BCR: variants seen among roughly 807,000 people sequenced by gnomAD.
BCR encodes the protein breakpoint cluster region protein.
Under a neutral mutation model 138.6 loss-of-function variants are expected in BCR, and 58 were observed. The ratio of observed to expected loss-of-function variants is 0.42; its 90% CI spans 0.34 to 0.52. The LOEUF is 0.52. Ranked by LOEUF, BCR falls within the 20% of genes least tolerant of loss-of-function variation. BCR has a pLI of 0.06. For missense variants in BCR, 1,599 were observed against 1,727.2 expected (o/e 0.93, Z 1.32); for synonymous variants, 786 against 730.1 (o/e 1.08, Z -1.23).
Position 23,180,570 on chromosome 22 carries a change from A to AGGC in BCR, c.-372_-370dup, listed in dbSNP as rs780142795. 0.029 allele frequency: 3,120 copies of AGGC among 108,666 alleles called. 52 individuals are homozygous for AGGC. The highest frequency in any genetic ancestry group is 0.031 in the Non-Finnish European group (2,051 of 66,360). The allele number at this position is 108,666 out of a possible 1,614,324, so 6.7% of individuals were successfully genotyped here. ...GGCTGGCTGAGCTTAGCGTCCGAGGAGGCGGCGGCGGCGGCGGCGGCACGG... is the reference window on the plus strand; with the variant it reads ...GGCTGGCTGAGCTTAGCGTCCGAGGAGGCGGCGGCGGCGGCGGCGGCGGCACGG... On this transcript the variant is annotated 5_prime_UTR_variant, in exon 1 of 23. Transcript: ENST00000305877.
At position 23,253,779 on chromosome 22, in the gene BCR, A is replaced by T. The variant is rs1366612633; in HGVS notation, c.1280-20A>T. ...CTCCCTTCTCTGTCTCTAACACAGG[A>T]TGCTTCTTTGCACACACAGATGGCT... is the stretch of plus-strand genomic sequence containing the variant. On this transcript the variant is annotated intron_variant, in intron 1 of 22. Transcript: ENST00000305877. 6.3e-7 allele frequency: 1 copy of T among 1,598,276 alleles called. No individual in the cohort carries two copies. Among genetic ancestry groups the T allele is most frequent in the Non-Finnish European group, 8.6e-7 (1 of 1,169,576 alleles).
chr22:23,259,937 G>A (rs1448337715), intron 2 of BCR, among the ~76,000 whole-genome samples: 1 of 152,184 alleles, frequency 6.6e-6, no homozygotes, highest in Non-Finnish European at 1.5e-5. Context: ...GCAGTAAGCT[G>A]TGACTGTGCC....
At chr22:23,314,735 G>A (rs1423735602) in intron 22 of BCR, 21 bp downstream of exon 22, 1 of 1,611,532 alleles carries the variant, frequency 6.2e-7, no homozygotes, top group Non-Finnish European at 8.5e-7. Context: ...ACAGGCTCCA[G>A]CCCATGCAAC....
Position 23,314,636 on chromosome 22 carries a change from G to C in BCR, c.3648G>C (p.Glu1216Asp), listed in dbSNP as rs1408763763. 1.9e-6 allele frequency: 3 copies of C among 1,611,962 alleles called. No individual in the cohort carries two copies. In the South Asian group the frequency reaches 3.3e-5, roughly 18 times the overall value. The change falls in exon 22 of 23, where the codon GAG (glutamate) becomes GAC (aspartate). Residue 1216 changes from glutamate to aspartate, a missense_variant. Physicochemically the swap from Glu to Asp is conservative, Grantham distance 45. Coordinates refer to ENST00000305877, the MANE Select transcript of BCR (RefSeq NM_004327.4). ...VFGPTLLRPSEKESKLPANPS... is the reference protein window; with the variant it reads ...VFGPTLLRPSDKESKLPANPS... ...GCCCCACGCTGCTCCGGCCCTCCGA[G>C]AAGGAGAGCAAGCTCCCTGCCAACC...
chr22:23,290,611 G>C (rs1241226539), intron 14 of BCR, 198 bp downstream of exon 14: 2 of 593,772 alleles, frequency 3.4e-6, no homozygotes, highest in East Asian at 2.9e-5. Flanking sequence ...AGTGGCCTCT[G>C]CCCTCTCCCC....
At position 23,305,152 on chromosome 22, in the gene BCR, G is replaced by T. The variant is rs1009288776; in HGVS notation, c.3013-4272G>T. ...AAAAGGTGCAGGATGGATCTCAGGAGAGCAGATTGTGGTCATAGACTACAG... is the reference window on the plus strand; with the variant it reads ...AAAAGGTGCAGGATGGATCTCAGGATAGCAGATTGTGGTCATAGACTACAG... On this transcript the variant is annotated intron_variant, in intron 16 of 22. Coordinates refer to ENST00000305877, the MANE Select transcript of BCR (RefSeq NM_004327.4). 4.7e-4 allele frequency among the ~76,000 whole-genome samples: 71 copies of T among 151,084 alleles called. 1 individual carries two copies. The highest frequency in any genetic ancestry group is 8.8e-4 in the Non-Finnish European group (60 of 67,870).
chr22:23,191,452 A>AACAACG (rs1276102453), intron 1 of BCR, among the ~76,000 whole-genome samples: 1 of 76,926 alleles, frequency 1.3e-5, no homozygotes, highest in Non-Finnish European at 2.7e-5. Context: ...TTGTCTTTAA[A>AACAACG]ACAACAACAA....
chr22:23,301,584 G>T (rs529327697), intron 16 of BCR, among the ~76,000 whole-genome samples: 1 of 152,226 alleles, frequency 6.6e-6, no homozygotes, highest in Non-Finnish European at 1.5e-5. Flanking sequence ...CCCCTGCTCT[G>T]TGAAGGCTTC....
At chr22:23,252,682 C>T (rs1238595706) in intron 1 of BCR, among the ~76,000 whole-genome samples, 2 of 152,028 alleles carry the variant, frequency 1.3e-5, no homozygotes, top group East Asian at 1.9e-4. Context: ...CCACCCACCT[C>T]GGCCTCCCAA....
intron 8 of BCR, among the ~76,000 whole-genome samples, chr22:23,274,119 A>C (rs1210227607): frequency 1.3e-5 from 2 of 152,072 alleles, no homozygotes; most frequent in Non-Finnish European, 2.9e-5. Context: ...TGTGCAAAGG[A>C]GGTGAGTAGG....
intron 15 of BCR, among the ~76,000 whole-genome samples, chr22:23,294,660 A>G (rs1272577129): frequency 6.6e-6 from 1 of 152,192 alleles, no homozygotes; most frequent in Non-Finnish European, 1.5e-5. Context: ...TGGCCTCCCA[A>G]AGTACTGGGA....
At chr22:23,274,978 G>A (rs1051730731) in intron 8 of BCR, among the ~76,000 whole-genome samples, 19 of 151,544 alleles carry the variant, frequency 1.3e-4, no homozygotes, top group Non-Finnish European at 2.5e-4. Flanking sequence ...CCAGGTGGTC[G>A]GCACTGTACC....
intron 1 of BCR, among the ~76,000 whole-genome samples, chr22:23,194,000 C>G (rs2072446583): frequency 6.6e-6 from 1 of 152,252 alleles, no homozygotes; most frequent in African/African-American, 2.4e-5. Context: ...ATCCAGTTCT[C>G]TGTCCCTGAG....
chr22:23,276,112 G>C (rs890837974), intron 8 of BCR, among the ~76,000 whole-genome samples: 1 of 152,158 alleles, frequency 6.6e-6, no homozygotes, highest in Non-Finnish European at 1.5e-5. Flanking sequence ...AAGAAGGGCT[G>C]GGTGCGGCTG....
intron 1 of BCR, among the ~76,000 whole-genome samples, chr22:23,234,707 G>A (rs2073003191): frequency 1.9e-5 from 2 of 106,292 alleles, no homozygotes; most frequent in Admixed American, 1.9e-4. Flanking sequence ...AGCACCCAGG[G>A]GACCCAGGCT....
At chr22:23,271,973 A>G (rs2073515001) in intron 6 of BCR, among the ~76,000 whole-genome samples, 1 of 151,804 alleles carries the variant, frequency 6.6e-6, no homozygotes, top group Non-Finnish European at 1.5e-5. Context: ...TTACAGGCAC[A>G]CACCACCACA....
intron 1 of BCR, among the ~76,000 whole-genome samples, chr22:23,198,583 C>T (rs1346234723): frequency 6.6e-6 from 1 of 152,218 alleles, no homozygotes; most frequent in South Asian, 2.1e-4. Context: ...GTGGCTGTGG[C>T]GGCTGTTCCC....
At chr22:23,310,267 C>T (rs1311171053) in intron 17 of BCR, 57 bp from the exon 18 acceptor site, 3 of 883,294 alleles carry the variant, frequency 3.4e-6, no homozygotes, top group Non-Finnish European at 5.5e-6. Context: ...GTCCTTGGGA[C>T]CTTGGGCTAT....
intron 1 of BCR, among the ~76,000 whole-genome samples, chr22:23,220,075 TGCCC>T: frequency 6.6e-6 from 1 of 152,342 alleles, no homozygotes; most frequent in South Asian, 2.1e-4. Flanking sequence ...TTCTGCCACC[TGCCC>T]TTTGAGGCTG....
Sources: allele counts gnomAD v4.1 joint callset (sites outside exome capture counted in the v4.1 genomes callset), GRCh38; gene constraint gnomAD v4.1.1; transcripts MANE v1.5; gene names NCBI Gene and HGNC (gene_info 2026-07-23, HGNC 2026-07-21).